The following BBS9 variants were observed in gnomAD, a reference collection of about 807,000 sequenced individuals.
BBS9 encodes protein PTHB1.
Under a neutral mutation model 117.7 loss-of-function variants are expected in BBS9, and 89 were observed. That is an observed-to-expected ratio of 0.76 (90% CI 0.64 to 0.90). BBS9 has a LOEUF of 0.90. Among genes scored for constraint, BBS9 ranks in the 40% least tolerant of loss-of-function variants. The pLI, the probability that BBS9 is intolerant of heterozygous loss-of-function variation, is 0.00. For missense variants in BBS9, 982 were observed against 1,042.2 expected (o/e 0.94, Z 0.80); for synonymous variants, 379 against 370.9 (o/e 1.02, Z -0.25).
At chr7:33,435,183 C>T (rs991146908) in intron 19 of BBS9, among the ~76,000 whole-genome samples, 10 of 152,080 alleles carry the variant, frequency 6.6e-5, no homozygotes, top group Non-Finnish European at 1.3e-4. Context: ...TCTGTAGGTT[C>T]TGCATTGGTC....
At chr7:33,219,812 CCCGCTGGGGT>C (rs1789869151) in intron 5 of BBS9, among the ~76,000 whole-genome samples, 1 of 152,174 alleles carries the variant, frequency 6.6e-6, no homozygotes, top group East Asian at 1.9e-4. Flanking sequence ...GCAGTGGCAA[CCCGCTGGGGT>C]CCCCTTCCAC....
chr7:33,341,850 A>G (rs915992342), intron 11 of BBS9, among the ~76,000 whole-genome samples: 1 of 152,158 alleles, frequency 6.6e-6, no homozygotes. Flanking sequence ...TAAGTTTTCT[A>G]TAAGCACTTG....
chr7:33,477,786 G>C (rs922048470), intron 19 of BBS9, among the ~76,000 whole-genome samples: 1 of 152,202 alleles, frequency 6.6e-6, no homozygotes, highest in Non-Finnish European at 1.5e-5. Context: ...GACGCAGTGA[G>C]CTTCTAGAAG....
chr7:33,461,875 A>G (rs939907305), intron 19 of BBS9, among the ~76,000 whole-genome samples: 1 of 152,016 alleles, frequency 6.6e-6, no homozygotes, highest in South Asian at 2.1e-4. Context: ...TTCACATGAC[A>G]TATCTCATTA....
At chr7:33,432,786 CTT>C (rs71907844) in intron 19 of BBS9, among the ~76,000 whole-genome samples, 1 of 146,966 alleles carries the variant, frequency 6.8e-6, no homozygotes. Context: ...CATGCTTTTC[CTT>C]TTTTTTTTCA....
chr7:33,536,225 TCA>T (rs1285199988), intron 21 of BBS9, among the ~76,000 whole-genome samples: 1 of 152,082 alleles, frequency 6.6e-6, no homozygotes, highest in Admixed American at 6.5e-5. Flanking sequence ...GCATGGGCAA[TCA>T]GGGTCACAGT....
At chr7:33,249,907 T>C (rs1355569976) in intron 5 of BBS9, among the ~76,000 whole-genome samples, 1 of 152,198 alleles carries the variant, frequency 6.6e-6, no homozygotes, top group Non-Finnish European at 1.5e-5. Flanking sequence ...CCTCTACTTT[T>C]ACCTTTGACT....
intron 5 of BBS9, among the ~76,000 whole-genome samples, chr7:33,231,791 T>C (rs1008184153): frequency 6.6e-6 from 1 of 152,134 alleles, no homozygotes; most frequent in Non-Finnish European, 1.5e-5. Context: ...ACATAAGAGT[T>C]TCTTTCTCTA....
chr7:33,338,556 T>G (rs1270696475), intron 10 of BBS9, among the ~76,000 whole-genome samples: 1 of 152,182 alleles, frequency 6.6e-6, no homozygotes, highest in Non-Finnish European at 1.5e-5. Flanking sequence ...GCAGCAAAAT[T>G]TAAAGCCAGT....
rs530786649 is a variant in BBS9 at position 33,565,247 on chromosome 7, C to T, written c.2521+31071C>T. Among the ~76,000 whole-genome samples, 39 of 152,234 alleles carry T rather than the reference C, an allele frequency of 2.6e-4. No homozygotes were observed. In the East Asian group the frequency reaches 2.9e-3, roughly 11 times the overall value. On this transcript the variant is annotated intron_variant, in intron 21 of 22. Transcript: ENST00000242067. ...TCCATGTACTACTATCTCTTTTTTA[C>T]TGACTTGTCTTACTTTTAGACTTTC...
chr7:33,624,082 C>G (rs1014421924), intron 21 of BBS9, among the ~76,000 whole-genome samples: 4 of 152,038 alleles, frequency 2.6e-5, no homozygotes, highest in Non-Finnish European at 4.4e-5. Context: ...CTCTAATTTC[C>G]CTCATGATTC....
intron 5 of BBS9, among the ~76,000 whole-genome samples, chr7:33,231,656 A>G (rs938301306): frequency 2.6e-5 from 4 of 151,954 alleles, no homozygotes; most frequent in Non-Finnish European, 4.4e-5. Flanking sequence ...TTTTAAAACT[A>G]TTTTAAAGAA....
At chr7:33,295,640 A>G (rs1805103944) in intron 9 of BBS9, among the ~76,000 whole-genome samples, 1 of 152,066 alleles carries the variant, frequency 6.6e-6, no homozygotes, top group South Asian at 2.1e-4. Flanking sequence ...CCAATTTAGA[A>G]AACACTGACA....
At chr7:33,200,369 T>C (rs1583593293) in intron 5 of BBS9, among the ~76,000 whole-genome samples, 2 of 152,314 alleles carry the variant, frequency 1.3e-5, no homozygotes, top group South Asian at 2.1e-4. Flanking sequence ...ATTGTCCAAG[T>C]TGATAATGTT....
intron 21 of BBS9, among the ~76,000 whole-genome samples, chr7:33,561,147 G>A (rs1451017): frequency 0.11 from 17,342 of 152,098 alleles, 1,263 homozygotes; most frequent in East Asian, 0.24. Flanking sequence ...ACCAATCTGT[G>A]TGATCTTAGT....
rs192190863 is a variant in BBS9 at position 33,627,957 on chromosome 7, G to T, written c.2522-7220G>T. Among the ~76,000 whole-genome samples the T allele has an allele frequency of 5.9e-5, 9 of 152,216 alleles. No homozygotes were observed. In the East Asian group the frequency reaches 1.7e-3, roughly 29 times the overall value. ...TACTTGGCAAACTGAAGAGGTCAAG[G>T]CTGCAGTGAGCTGTGATTGTGCCAC... On this transcript the variant is annotated intron_variant, in intron 21 of 21. Transcript: ENST00000671952.
chr7:33,308,473 G>T (rs1808495087), intron 9 of BBS9, among the ~76,000 whole-genome samples: 1 of 152,186 alleles, frequency 6.6e-6, no homozygotes, highest in Non-Finnish European at 1.5e-5. Context: ...TTACTGGAGT[G>T]TACTAACATG....
At chr7:33,209,600 A>G (rs1244504346) in intron 5 of BBS9, among the ~76,000 whole-genome samples, 2 of 152,080 alleles carry the variant, frequency 1.3e-5, no homozygotes, top group African/African-American at 2.4e-5. Flanking sequence ...TCTCAGCAGC[A>G]TTTGTCACAG....
chr7:33,598,087 C>T (rs1863162380), intron 21 of BBS9, among the ~76,000 whole-genome samples: 1 of 152,064 alleles, frequency 6.6e-6, no homozygotes. Flanking sequence ...TTGAACTCCA[C>T]TGTTCAAGAC....
Sources: allele counts gnomAD v4.1 joint callset (sites outside exome capture counted in the v4.1 genomes callset), GRCh38; gene constraint gnomAD v4.1.1; transcripts MANE v1.5; gene names NCBI Gene and HGNC (gene_info 2026-07-23, HGNC 2026-07-21).